Variants in CPD observed in about 807,000 individuals in gnomAD.
The protein encoded by CPD is carboxypeptidase D, also known as metallocarboxypeptidase D.
CPD carries 69 observed loss-of-function variants against 138.3 expected under a neutral mutation model. The ratio of observed to expected loss-of-function variants is 0.50; its 90% confidence interval spans 0.41 to 0.61. The LOEUF (loss-of-function observed/expected upper bound fraction) is 0.61, where lower values mean the gene tolerates loss of function less well. CPD is among the 20% of genes least tolerant of loss of function. The pLI, the probability that CPD is intolerant of heterozygous loss-of-function variation, is 0.00. For synonymous variants in CPD, 651 were observed against 642.1 expected (o/e 1.01, Z -0.21); for missense variants, 1,432 against 1,733.3 (o/e 0.83, Z 3.09).
chr17:30,403,524 G>C (rs984360325), intron 2 of CPD, among the ~76,000 whole-genome samples: 7 of 152,052 alleles, frequency 4.6e-5, no homozygotes, highest in African/African-American at 1.7e-4. Context: ...TCCTTTCATG[G>C]GAAAGAAAGG....
rs1597706856 is a variant in CPD, at chr17:30,391,795, A to G, written c.994+6559A>G. ...GGAGGCTCAAGTGAGAATGTGTGTAAAGCACTTTAGCCTAGCATCTGGTGC... is the reference window on the plus strand; with the variant it reads ...GGAGGCTCAAGTGAGAATGTGTGTAGAGCACTTTAGCCTAGCATCTGGTGC... On this transcript the variant is annotated intron_variant, in intron 2 of 20. Transcript: ENST00000225719. Among the ~76,000 whole-genome samples, 6 of 152,250 alleles carry G rather than the reference A, an allele frequency of 3.9e-5. 1 individual carries two copies. The highest frequency in any genetic ancestry group is 3.9e-4 in the Admixed American group (6 of 15,302).
At chr17:30,435,114 AG>A (rs1912666043) in intron 8 of CPD, among the ~76,000 whole-genome samples, 1 of 152,116 alleles carries the variant, frequency 6.6e-6, no homozygotes, top group Non-Finnish European at 1.5e-5. Flanking sequence ...ATAAAAACAG[AG>A]GCCAGGAAAC....
At position 30,456,542 on chromosome 17, in the gene CPD, C is replaced by G; in HGVS notation, c.3498+16C>G. 1 of 1,612,598 alleles carries G rather than the reference C, an allele frequency of 6.2e-7. No individual in the cohort carries two copies. The highest frequency in any genetic ancestry group is 1.3e-5 in the African/African-American group (1 of 74,962). On this transcript the variant is annotated intron_variant, in intron 17 of 20. Transcript: ENST00000225719. Reference sequence around the variant, plus strand: ...CAGCATGAAGGTATGCTTTCTAGAACATGGTTAGAATGGAGTTATGGCCAG... The same window carrying G: ...CAGCATGAAGGTATGCTTTCTAGAAGATGGTTAGAATGGAGTTATGGCCAG...
chr17:30,444,383 A>T, intron 11 of CPD, among the ~76,000 whole-genome samples: 1 of 152,188 alleles, frequency 6.6e-6, no homozygotes, highest in Admixed American at 6.5e-5. Flanking sequence ...TTTTCCTTTA[A>T]AGGAGTAACA....
At chr17:30,407,563 C>T (rs895905970) in intron 2 of CPD, among the ~76,000 whole-genome samples, 3 of 152,124 alleles carry the variant, frequency 2.0e-5, no homozygotes, top group African/African-American at 7.2e-5. Context: ...TCTCTGATGA[C>T]CAGTGATGAT....
intron 2 of CPD, among the ~76,000 whole-genome samples, chr17:30,416,536 T>C (rs1393558603): frequency 6.6e-6 from 1 of 152,216 alleles, no homozygotes; most frequent in Non-Finnish European, 1.5e-5. Flanking sequence ...CTGCCAAAGC[T>C]GTTTATGATG....
At chr17:30,421,607 T>C (rs1453514531) in intron 3 of CPD, 57 bp from the exon 4 acceptor site, 1 of 1,507,422 alleles carries the variant, frequency 6.6e-7, no homozygotes, top group Non-Finnish European at 9.2e-7. Flanking sequence ...AGAGAGAAAT[T>C]ATGCGCTCTT....
rs753025575 is a variant in CPD, at chr17:30,455,466, G to A, written c.3333G>A (p.Gln1111=). Residue 1111 remains glutamine, a synonymous_variant, in exon 15 of 21, where the codon CAG becomes CAA. Transcript: ENST00000225719. Reference sequence around the variant, plus strand: ...CATATCCTTATGACAAGCCAGTACAGACAGGTATGTAGAATGTCATTTTAT... The same window carrying A: ...CATATCCTTATGACAAGCCAGTACAAACAGGTATGTAGAATGTCATTTTAT... ...LVTYPYDKPV[Q]TVENKETLKH... 1.2e-6 allele frequency: 2 copies of A among 1,611,398 alleles called. No homozygotes were observed. The highest frequency in any genetic ancestry group is 1.3e-5 in the African/African-American group (1 of 74,858).
In CPD at chr17:30,425,938, C is replaced by T. The variant is rs573141169; in HGVS notation, c.1850-1453C>T. Among the ~76,000 whole-genome samples, 274 of 152,192 alleles carry T rather than the reference C, an allele frequency of 1.8e-3. 1 individual carries two copies. The highest frequency in any genetic ancestry group is 6.2e-3 in the African/African-American group (257 of 41,520). On this transcript the variant is annotated intron_variant, in intron 6 of 20. Transcript: ENST00000225719. ...ATGCCTGGCCAGGTGCTGTGGCTCA[C>T]GCCTGTCATCCCAGCACTTTGGGAG... is the stretch of plus-strand genomic sequence containing the variant.
At chr17:30,394,680 C>T (rs1911451249) in intron 2 of CPD, among the ~76,000 whole-genome samples, 1 of 151,960 alleles carries the variant, frequency 6.6e-6, no homozygotes, top group Non-Finnish European at 1.5e-5. Context: ...ACCTAGAGGG[C>T]ATGTAGGGGA....
chr17:30,423,060 C>T (rs1442364875), intron 5 of CPD, 37 bp downstream of exon 5: 1 of 1,439,182 alleles, frequency 6.9e-7, no homozygotes, highest in Non-Finnish European at 9.6e-7. Context: ...TTCAGTAGTG[C>T]CCCTCAAAGC....
At chr17:30,412,395 C>G (rs1344006815) in intron 2 of CPD, among the ~76,000 whole-genome samples, 1 of 152,194 alleles carries the variant, frequency 6.6e-6, no homozygotes, top group South Asian at 2.1e-4. Context: ...CTGGGAGAAC[C>G]ACTGCTCTCT....
At chr17:30,461,041 G>A (rs1913457787) in intron 17 of CPD, 139 bp from the exon 18 acceptor site, 3 of 545,390 alleles carry the variant, frequency 5.5e-6, no homozygotes, top group Non-Finnish European at 9.0e-6. Context: ...ATTTATATTT[G>A]TCATAAAATG....
chr17:30,427,832 T>C (rs896714607), intron 7 of CPD, among the ~76,000 whole-genome samples: 17 of 150,988 alleles, frequency 1.1e-4, no homozygotes, highest in African/African-American at 4.1e-4. Flanking sequence ...TTTTCTCACC[T>C]ACTACTTCTC....
intron 2 of CPD, among the ~76,000 whole-genome samples, chr17:30,399,974 C>T (rs1911610283): frequency 1.3e-5 from 2 of 152,082 alleles, no homozygotes; most frequent in South Asian, 2.1e-4. Flanking sequence ...CTGGGTAATA[C>T]AGCGAGACTC....
rs200822984 is a variant in CPD at position 30,456,231 on chromosome 17, G to A, written c.3338-25G>A. On this transcript the variant is annotated intron_variant, in intron 15 of 20. Transcript: ENST00000225719. ...AAAAAATCATTTGGATTTCTCCACT[G>A]ACTTCTAAATTTTTCTTTCTATAGT... is the stretch of plus-strand genomic sequence containing the variant. 9.3e-5 allele frequency: 146 copies of A among 1,562,154 alleles called. No individual in the cohort carries two copies. In the Middle Eastern group the frequency reaches 2.3e-3, roughly 25 times the overall value.
intron 13 of CPD, 50 bp downstream of exon 13, chr17:30,449,798 T>A: frequency 6.8e-7 from 1 of 1,469,928 alleles, no homozygotes; most frequent in Middle Eastern, 1.8e-4. Context: ...AAGCTCAACA[T>A]TAATATCAGG....
At chr17:30,381,823 A>G (rs1404105016) in intron 1 of CPD, among the ~76,000 whole-genome samples, 1 of 151,976 alleles carries the variant, frequency 6.6e-6, no homozygotes, top group Non-Finnish European at 1.5e-5. Context: ...TCACCCAGCT[A>G]TATTCGAATT....
At chr17:30,423,734 TC>T in intron 6 of CPD, 37 bp downstream of exon 6, 1 of 1,347,088 alleles carries the variant, frequency 7.4e-7, no homozygotes, top group Non-Finnish European at 1.0e-6. Context: ...CATTTGATCA[TC>T]ATATAGAATG....
Sources: allele counts gnomAD v4.1 joint callset (sites outside exome capture counted in the v4.1 genomes callset), GRCh38; gene constraint gnomAD v4.1.1; transcripts MANE v1.5; gene names NCBI Gene and HGNC (gene_info 2026-07-23, HGNC 2026-07-21).